The following GPR137C variants were observed in gnomAD, a reference collection of about 807,000 sequenced individuals.
GPR137C encodes G protein-coupled receptor 137C, also known as integral membrane protein GPR137C.
In GPR137C, 27 loss-of-function variants were observed where a neutral mutation model predicts 43.4. That is an observed-to-expected ratio of 0.62 (90% CI 0.46 to 0.86). GPR137C has a LOEUF of 0.86. Ranked by LOEUF, GPR137C falls within the 40% of genes least tolerant of loss-of-function variation. GPR137C has a pLI of 0.00. For missense variants in GPR137C, 522 were observed against 534.6 expected, an observed-to-expected ratio of 0.98 and a Z score of 0.23; for synonymous variants, 285 against 226.9, an observed-to-expected ratio of 1.26 and a Z score of -2.30.
intron 1 of GPR137C, among the ~76,000 whole-genome samples, chr14:52,577,189 A>AAAAC (rs2038569692): frequency 1.8e-5 from 2 of 108,126 alleles, no homozygotes; most frequent in Non-Finnish European, 2.1e-5. Flanking sequence ...TCCTCAAAAA[A>AAAAC]AAAAAAAAAA....
At chr14:52,582,971 A>G (rs867809894) in intron 1 of GPR137C, among the ~76,000 whole-genome samples, 1 of 152,164 alleles carries the variant, frequency 6.6e-6, no homozygotes, top group African/African-American at 2.4e-5. Context: ...TAGTCTGTAT[A>G]TGGGATAAAA....
intron 1 of GPR137C, among the ~76,000 whole-genome samples, chr14:52,579,426 C>G (rs1004020652): frequency 6.6e-6 from 1 of 152,130 alleles, no homozygotes; most frequent in African/African-American, 2.4e-5. Flanking sequence ...TTAGCCACCC[C>G]CACTTCTCAG....
At chr14:52,588,947 G>A (rs1252601013) in intron 1 of GPR137C, among the ~76,000 whole-genome samples, 1 of 152,136 alleles carries the variant, frequency 6.6e-6, no homozygotes, top group Non-Finnish European at 1.5e-5. Context: ...GTTCATAGCG[G>A]CAGCATTCAC....
chr14:52,601,612 C>T (rs1425772035), intron 3 of GPR137C, among the ~76,000 whole-genome samples: 1 of 151,834 alleles, frequency 6.6e-6, no homozygotes, highest in African/African-American at 2.4e-5. Flanking sequence ...CTAGTTTGCT[C>T]CTAACATTTA....
At chr14:52,593,799 T>G (rs1243945599) in intron 1 of GPR137C, among the ~76,000 whole-genome samples, 3 of 152,166 alleles carry the variant, frequency 2.0e-5, no homozygotes, top group Non-Finnish European at 4.4e-5. Context: ...TTCATTGATT[T>G]TTTTGAAGAG....
rs781648942 is a variant in GPR137C at position 52,600,249 on chromosome 14, G to A, written c.625G>A (p.Asp209Asn). The A allele has an allele frequency of 3.7e-6, 6 of 1,613,566 alleles. No individual in the cohort carries two copies. The highest frequency in any genetic ancestry group is 5.1e-6 in the Non-Finnish European group (6 of 1,179,602). The change falls in exon 3 of 7, where the codon GAT (aspartate) becomes AAT (asparagine). Residue 209 changes from aspartate to asparagine, a missense_variant. Asp to Asn is a conservative substitution (Grantham distance 23, BLOSUM62 1). Coordinates refer to ENST00000321662, the MANE Select transcript of GPR137C (RefSeq NM_001099652.2). ...WTVFVRALIN[D>N]SLFILCAISL... is the part of the protein sequence containing the mutation. ...TGTGTTTGTTCGAGCATTAATTAAT[G>A]ATAGCCTGTTTATTCTTTGTGCCAT...
chr14:52,560,001 TA>T, intron 1 of GPR137C, among the ~76,000 whole-genome samples: 1 of 151,766 alleles, frequency 6.6e-6, no homozygotes. Flanking sequence ...TACAAAAAAA[TA>T]AAAAATTAGC....
intron 3 of GPR137C, among the ~76,000 whole-genome samples, chr14:52,617,541 T>C (rs990653337): frequency 1.3e-5 from 2 of 152,090 alleles, no homozygotes; most frequent in African/African-American, 2.4e-5. Flanking sequence ...CAGCTGGGCA[T>C]GGTGGCACAT....
intron 1 of GPR137C, among the ~76,000 whole-genome samples, chr14:52,584,815 G>C (rs2038691967): frequency 6.6e-6 from 1 of 152,056 alleles, no homozygotes. Flanking sequence ...TGACCAGATT[G>C]GTCTCAAACT....
At chr14:52,561,889 T>C (rs902863007) in intron 1 of GPR137C, among the ~76,000 whole-genome samples, 2 of 152,176 alleles carry the variant, frequency 1.3e-5, no homozygotes, top group African/African-American at 2.4e-5. Context: ...CTGTATTTGA[T>C]TGTGATAGTT....
intron 1 of GPR137C, among the ~76,000 whole-genome samples, chr14:52,592,567 T>C (rs546455155): frequency 1.6e-4 from 24 of 152,260 alleles, no homozygotes; most frequent in South Asian, 1.2e-3. Context: ...AGTTGGATTC[T>C]TAGGTATTTT....
chr14:52,602,037 AT>A (rs1042452490), intron 3 of GPR137C, among the ~76,000 whole-genome samples: 3 of 150,990 alleles, frequency 2.0e-5, no homozygotes, highest in African/African-American at 7.3e-5. Context: ...AATACTGCAG[AT>A]ATACATGTTC....
At chr14:52,626,528 A>C (rs1294785805) in intron 3 of GPR137C, among the ~76,000 whole-genome samples, 1 of 152,130 alleles carries the variant, frequency 6.6e-6, no homozygotes, top group Non-Finnish European at 1.5e-5. Context: ...GCATCTACTA[A>C]AAAACCTAAA....
chr14:52,602,359 C>T (rs1026524031), intron 3 of GPR137C, among the ~76,000 whole-genome samples: 14 of 151,888 alleles, frequency 9.2e-5, no homozygotes, highest in East Asian at 7.7e-4. Flanking sequence ...ACCTTTGTTA[C>T]GCTTTCACTA....
intron 1 of GPR137C, among the ~76,000 whole-genome samples, chr14:52,553,834 CAACTT>C (rs537475506): frequency 1.4e-3 from 212 of 152,292 alleles, no homozygotes; most frequent in African/African-American, 4.8e-3. Context: ...GTGTGTCTGA[CAACTT>C]AAAACAGCAA....
At chr14:52,617,086 G>T (rs954657290) in intron 3 of GPR137C, among the ~76,000 whole-genome samples, 2 of 152,126 alleles carry the variant, frequency 1.3e-5, no homozygotes. Flanking sequence ...TATGTTCAGA[G>T]GCAAATATGT....
At chr14:52,593,992 C>G (rs930711538) in intron 1 of GPR137C, among the ~76,000 whole-genome samples, 3 of 152,212 alleles carry the variant, frequency 2.0e-5, no homozygotes, top group African/African-American at 7.2e-5. Flanking sequence ...CCTCTACACA[C>G]TGCTTTAAAT....
At chr14:52,573,739 A>G (rs1382103896) in intron 1 of GPR137C, among the ~76,000 whole-genome samples, 1 of 152,236 alleles carries the variant, frequency 6.6e-6, no homozygotes, top group East Asian at 1.9e-4. Context: ...TAATTAAACT[A>G]AAGAACTTCT....
At chr14:52,633,430 G>A in intron 4 of GPR137C, 100 bp from the exon 5 acceptor site, 1 of 933,896 alleles carries the variant, frequency 1.1e-6, no homozygotes, top group Non-Finnish European at 1.6e-6. Context: ...GCTTGTAGTT[G>A]ATATATTTTA....
Sources: gnomAD v4.1 joint callset for allele counts (sites outside exome capture counted in the v4.1 genomes callset) on GRCh38, gnomAD v4.1.1 for gene constraint, MANE v1.5 for transcripts, NCBI Gene and HGNC (gene_info 2026-07-23, HGNC 2026-07-21) for gene names.